SAMSN1: variants seen among roughly 807,000 people sequenced by gnomAD.
The protein encoded by SAMSN1 is SAM domain-containing protein SAMSN-1.
Under a neutral mutation model 42.0 loss-of-function variants are expected in SAMSN1, and 31 were observed. The observed-to-expected ratio is 0.74, with a 90% CI of 0.55 to 1.00. The LOEUF (loss-of-function observed/expected upper bound fraction) is 1.00, where lower values mean the gene tolerates loss of function less well. Ranked by LOEUF, SAMSN1 falls within the 50% of genes least tolerant of loss-of-function variation. SAMSN1 has a pLI of 0.00. For missense variants in SAMSN1, 464 were observed against 439.4 expected (o/e 1.06, Z -0.50); for synonymous variants, 178 against 151.9 (o/e 1.17, Z -1.26).
intron 5 of SAMSN1, among the ~76,000 whole-genome samples, chr21:14,604,673 A>G (rs1982519142): frequency 6.6e-6 from 1 of 152,232 alleles, no homozygotes; most frequent in Non-Finnish European, 1.5e-5. Context: ...AATGTTGCAC[A>G]CACTTGAAAC....
upstream of SAMSN1, chr21:14,546,379 C>T (rs1349884373): frequency 4.1e-6 from 6 of 1,472,604 alleles, no homozygotes; most frequent in Non-Finnish European, 5.4e-6. Flanking sequence ...CAGGGACCTG[C>T]CACTTCCTCC....
chr21:14,623,950 C>G (rs1983091328), intron 2 of SAMSN1, among the ~76,000 whole-genome samples: 1 of 152,112 alleles, frequency 6.6e-6, no homozygotes, highest in South Asian at 2.1e-4. Flanking sequence ...AGCAATCAAA[C>G]TAGAACTCAG....
At chr21:14,658,665 G>A in intron 1 of SAMSN1, 2 of 705,070 alleles carry the variant, frequency 2.8e-6, no homozygotes, top group Non-Finnish European at 5.3e-6. Flanking sequence ...CACATAAGAA[G>A]TTTAGAATAT....
At chr21:14,640,937 T>C (rs930998998) in intron 2 of SAMSN1, among the ~76,000 whole-genome samples, 3 of 152,158 alleles carry the variant, frequency 2.0e-5, no homozygotes, top group African/African-American at 4.8e-5. Flanking sequence ...TTTTGCAATA[T>C]AAATGAAGTT....
At chr21:14,513,731 A>G (rs1015649984) in intron 3 of SAMSN1, among the ~76,000 whole-genome samples, 1 of 152,196 alleles carries the variant, frequency 6.6e-6, no homozygotes, top group Non-Finnish European at 1.5e-5. Flanking sequence ...TATTGACCTA[A>G]AGGATAAGAA....
intron 2 of SAMSN1, among the ~76,000 whole-genome samples, chr21:14,553,747 G>C (rs181748048): frequency 2.4e-4 from 37 of 152,258 alleles, no homozygotes; most frequent in African/African-American, 8.7e-4. Flanking sequence ...AGCTTTCAGA[G>C]TGTTGAGAAG....
At chr21:14,631,044 A>G (rs1983314618) in intron 2 of SAMSN1, among the ~76,000 whole-genome samples, 1 of 152,208 alleles carries the variant, frequency 6.6e-6, no homozygotes, top group South Asian at 2.1e-4. Flanking sequence ...ATAAGACACT[A>G]GACTCTAAGT....
chr21:14,611,203 T>C (rs1982698423), intron 4 of SAMSN1, among the ~76,000 whole-genome samples: 1 of 152,172 alleles, frequency 6.6e-6, no homozygotes, highest in African/African-American at 2.4e-5. Context: ...AAACTAATTG[T>C]GTAGAAAGAA....
At chr21:14,527,374 C>A (rs770449720) in intron 1 of SAMSN1, among the ~76,000 whole-genome samples, 5 of 152,142 alleles carry the variant, frequency 3.3e-5, no homozygotes, top group Non-Finnish European at 7.4e-5. Context: ...TCACGTGGTA[C>A]CAGTGGAATA....
chr21:14,500,847 A>G (rs1987123221), intron 5 of SAMSN1, 112 bp from the exon 6 acceptor site: 1 of 827,000 alleles, frequency 1.2e-6, no homozygotes. Context: ...GGGTTCAGAT[A>G]TAACAGAAAC....
chr21:14,547,650 T>C (rs17274324), upstream of SAMSN1, among the ~76,000 whole-genome samples: 1,247 of 152,246 alleles, frequency 8.2e-3, 6 homozygotes, highest in South Asian at 0.025. Flanking sequence ...CAACTGACTC[T>C]ATTTCTCAAA....
At chr21:14,644,835 C>T (rs1268962827) in intron 1 of SAMSN1, among the ~76,000 whole-genome samples, 1 of 152,046 alleles carries the variant, frequency 6.6e-6, no homozygotes, top group Non-Finnish European at 1.5e-5. Flanking sequence ...TCACAAAAAG[C>T]TGACTTAAGA....
At chr21:14,618,650 CTGTGTATG>C (rs1406819344) in intron 2 of SAMSN1, among the ~76,000 whole-genome samples, 8 of 107,640 alleles carry the variant, frequency 7.4e-5, no homozygotes, top group African/African-American at 1.5e-4. Flanking sequence ...AGAACCACAG[CTGTGTATG>C]TGTGTGTGTG....
At position 14,603,652 on chromosome 21, in the gene SAMSN1, A is replaced by G. The variant is rs1489885126; in HGVS notation, c.323-1553T>C. On this transcript the variant is annotated intron_variant, in intron 5 of 15. Transcript: ENST00000647101. ...AGAGTAAGAGGAGGTAGGGCTGGAT[A>G]GGTGACTGAGGCCAAATTGTAATGG... Among the ~76,000 whole-genome samples, 5 of 152,368 alleles carry G rather than the reference A, an allele frequency of 3.3e-5. No individual in the cohort carries two copies. In the East Asian group the frequency reaches 9.6e-4, roughly 29 times the overall value.
intron 1 of SAMSN1, among the ~76,000 whole-genome samples, chr21:14,657,681 C>T (rs929588235): frequency 6.6e-6 from 1 of 151,794 alleles, no homozygotes; most frequent in African/African-American, 2.4e-5. Context: ...CCACTTAAAT[C>T]ACCTGAAATG....
At chr21:14,640,059 T>C (rs1375438046) in intron 2 of SAMSN1, among the ~76,000 whole-genome samples, 3 of 152,214 alleles carry the variant, frequency 2.0e-5, no homozygotes, top group Non-Finnish European at 4.4e-5. Context: ...TAATTATACA[T>C]ATGAACTACA....
intron 3 of SAMSN1, among the ~76,000 whole-genome samples, chr21:14,613,917 G>A (rs564837755): frequency 2.6e-5 from 4 of 151,814 alleles, no homozygotes; most frequent in African/African-American, 4.8e-5. Flanking sequence ...AGAAAAACAT[G>A]CTTAAAAAAA....
At chr21:14,577,393 G>T (rs1236059528) in intron 2 of SAMSN1, among the ~76,000 whole-genome samples, 9 of 148,652 alleles carry the variant, frequency 6.1e-5, no homozygotes, top group Non-Finnish European at 1.0e-4. Context: ...GATTACAGGT[G>T]TAAGCCACCA....
At position 14,522,217 on chromosome 21, in the gene SAMSN1, A is replaced by G. The variant is rs60267968; in HGVS notation, c.58-996T>C. Among the ~76,000 whole-genome samples the G allele has an allele frequency of 7.9e-5, 12 of 152,344 alleles. No individual in the cohort carries two copies. In the South Asian group the frequency reaches 1.2e-3, roughly 16 times the overall value. On this transcript the variant is annotated intron_variant, in intron 1 of 7. Coordinates refer to ENST00000400566, the MANE Select transcript of SAMSN1 (RefSeq NM_022136.5). ...ATTATGCAACTCAATGTAGGCAGGCAATTATAAATAATTTCTGATATGCAA... is the reference window on the plus strand; with the variant it reads ...ATTATGCAACTCAATGTAGGCAGGCGATTATAAATAATTTCTGATATGCAA...
Sources: gnomAD v4.1 joint callset for allele counts (sites outside exome capture counted in the v4.1 genomes callset) on GRCh38, gnomAD v4.1.1 for gene constraint, MANE v1.5 for transcripts, NCBI Gene and HGNC (gene_info 2026-07-23, HGNC 2026-07-21) for gene names.